Variants in THAP4 observed in about 807,000 individuals in gnomAD.
THAP4 encodes peroxynitrite isomerase THAP4.
THAP4 carries 18 observed loss-of-function variants against 48.1 expected under a neutral mutation model. The ratio of observed to expected loss-of-function variants is 0.37; its 90% CI spans 0.26 to 0.56. The LOEUF (loss-of-function observed/expected upper bound fraction) is 0.56, where lower values mean the gene tolerates loss of function less well. Among genes scored for constraint, THAP4 ranks in the 20% least tolerant of loss-of-function variants. The pLI is 0.78. For synonymous variants in THAP4, 345 were observed against 324.9 expected, an observed-to-expected ratio of 1.06 and a Z score of -0.66; for missense variants, 656 against 774.9, an observed-to-expected ratio of 0.85 and a Z score of 1.82.
chr2:241,637,147 G>C lies in THAP4; in HGVS notation c.-130C>G. ...TGGGCCGGCCCGCGGCGTCCGCGCC[G>C]TACGGCAAGATGGAGGCGCAGGCGC... On this transcript the variant is annotated 5_prime_UTR_variant, in exon 1 of 6. Coordinates refer to ENST00000407315, the MANE Select transcript of THAP4 (RefSeq NM_015963.6). 1.0e-6 allele frequency: 1 copy of C among 991,306 alleles called. No homozygotes were observed. The highest frequency in any genetic ancestry group is 1.2e-6 in the Non-Finnish European group (1 of 835,242). The allele number at this position is 991,306 out of a possible 1,614,324, so 61.4% of individuals were successfully genotyped here.
At chr2:241,595,565 A>AG (rs2067037102) in intron 5 of THAP4, among the ~76,000 whole-genome samples, 1 of 151,736 alleles carries the variant, frequency 6.6e-6, no homozygotes. Context: ...TGAACCCAGG[A>AG]GGCAGAGGTT....
Position 241,633,990 on chromosome 2 carries a change from C to A in THAP4, c.167G>T (p.Cys56Phe). 6.2e-7 allele frequency: 1 copy of A among 1,614,130 alleles called. No individual in the cohort carries two copies. The highest frequency in any genetic ancestry group is 1.1e-5 in the South Asian group (1 of 91,082). ...GCTGTCTTTGGTGAAATGCTCACTACAGAGAAATGAATACTTAGTGGGAGT... is the reference window on the plus strand; with the variant it reads ...GCTGTCTTTGGTGAAATGCTCACTAAAGAGAAATGAATACTTAGTGGGAGT... Reference protein sequence around the residue: ...NWTPTKYSFLCSEHFTKDSFS... With the variant: ...NWTPTKYSFLFSEHFTKDSFS... Residue 56 changes from cysteine to phenylalanine, a missense_variant, in exon 2 of 6, where the codon TGT becomes TTT. Physicochemically the swap from Cys to Phe is radical, Grantham distance 205. Coordinates refer to ENST00000407315, the MANE Select transcript of THAP4 (RefSeq NM_015963.6). The surrounding 1 kb of genome is among the most constrained non-coding windows in gnomAD (Gnocchi z 7.5).
rs1462542271 is a variant in THAP4, at chr2:241,585,928, AAG to A, written c.1615-1205_1615-1204del. Among the ~76,000 whole-genome samples the A allele has an allele frequency of 5.2e-4, 75 of 142,860 alleles. 6 individuals carry two copies. Among genetic ancestry groups the A allele is most frequent in the African/African-American group, 1.2e-3 (46 of 38,466 alleles). The allele number at this position is 142,860 out of a possible 152,430, so 93.7% of individuals were successfully genotyped here. ...ACTCCTTCTCAAAAAAAAAAAAAAA[AAG>A]AAAAAAAAAAGAAAAAGAAAAAGAA... is the stretch of plus-strand genomic sequence containing the variant. On this transcript the variant is annotated intron_variant, in intron 5 of 5. Coordinates refer to ENST00000407315, the MANE Select transcript of THAP4 (RefSeq NM_015963.6).
chr2:241,605,309 G>A (rs1160204736), intron 3 of THAP4, among the ~76,000 whole-genome samples: 2 of 152,128 alleles, frequency 1.3e-5, no homozygotes, highest in African/African-American at 2.4e-5. Context: ...AAACTGCTAG[G>A]CATTATACAA....
intron 2 of THAP4, among the ~76,000 whole-genome samples, chr2:241,626,808 C>G (rs2067500077): frequency 6.6e-6 from 1 of 152,206 alleles, no homozygotes; most frequent in Non-Finnish European, 1.5e-5. Flanking sequence ...AAGTGATCTG[C>G]CTGCCTCGGC....
chr2:241,617,903 G>A (rs544765336), intron 2 of THAP4, among the ~76,000 whole-genome samples: 2 of 152,290 alleles, frequency 1.3e-5, no homozygotes, highest in East Asian at 3.9e-4. Context: ...CCTGTCTCCT[G>A]GCAAGCGGCC....
intron 5 of THAP4, among the ~76,000 whole-genome samples, chr2:241,591,470 G>A (rs1275180515): frequency 6.6e-6 from 1 of 152,210 alleles, no homozygotes; most frequent in Non-Finnish European, 1.5e-5. Flanking sequence ...CTCAATAGAG[G>A]TGATTTTTAA....
intron 5 of THAP4, 99 bp from the exon 6 acceptor site, chr2:241,584,824 G>A (rs1392192035): frequency 3.3e-5 from 49 of 1,492,130 alleles, no homozygotes; most frequent in Non-Finnish European, 4.3e-5. Flanking sequence ...ATCACGGGCT[G>A]TGAGCCAGGC....
chr2:241,637,465 C>G (rs1575045977), upstream of THAP4: 3 of 1,461,564 alleles, frequency 2.1e-6, no homozygotes, highest in African/African-American at 1.5e-5. Context: ...CACACAGTGT[C>G]CCGTCGGACA....
intron 2 of THAP4, among the ~76,000 whole-genome samples, chr2:241,623,521 G>C (rs1559232316): frequency 6.6e-6 from 1 of 151,820 alleles, no homozygotes; most frequent in African/African-American, 2.4e-5. Context: ...GGAGGTTGCG[G>C]TGAGCCAAAA....
chr2:241,602,967 C>T lies in THAP4; in HGVS notation c.1510+3G>A. On this transcript the variant is annotated splice_donor_region_variant and intron_variant, in intron 4 of 5. Transcript: ENST00000407315. The stretch of plus-strand genomic sequence containing the variant: ...CCCTCCCGCCCCGCAAGCTGGGCCT[C>T]ACCTGTGTTCTGGGCGCTGACAAAG... 1 of 1,612,532 alleles carries T rather than the reference C, an allele frequency of 6.2e-7. No individual in the cohort carries two copies. Among genetic ancestry groups the T allele is most frequent in the Non-Finnish European group, 8.5e-7 (1 of 1,178,676 alleles).
At chr2:241,593,571 C>G (rs2067014069) in intron 5 of THAP4, among the ~76,000 whole-genome samples, 1 of 145,118 alleles carries the variant, frequency 6.9e-6, no homozygotes, top group East Asian at 1.9e-4. Context: ...AACAGCCTGC[C>G]TTAACACCCC....
chr2:241,629,796 C>G (rs2067535278), intron 2 of THAP4, among the ~76,000 whole-genome samples: 1 of 151,494 alleles, frequency 6.6e-6, no homozygotes, highest in African/African-American at 2.4e-5. Flanking sequence ...CTTGGACATA[C>G]AAGCAGAAAC....
chr2:241,632,947 A>G lies in THAP4; in HGVS notation c.1210T>C (p.Tyr404His). Residue 404 changes from tyrosine (Y) to histidine (H), a missense_variant, in exon 2 of 6, where the codon TAT (tyrosine) becomes CAT (histidine). By Grantham distance (83) the Tyr-to-His change is moderately conservative. Around this residue, in one of 4 missense-constraint regions of THAP4, gnomAD observed 176 missense variants for 256.7 expected, o/e 0.69. Coordinates refer to ENST00000407315, the MANE Select transcript of THAP4 (RefSeq NM_015963.6). ...LDELRRVSVP[Y>H]PSSLLSPSRE... is the part of the protein sequence containing the mutation. ...CTGGGCGACAGCAGGCTACTTGGAT[A>G]GGGGACGCTCACTCTCCTCAGCTCA... is the stretch of plus-strand genomic sequence containing the variant. 2 of 1,608,856 alleles carry G rather than the reference A, an allele frequency of 1.2e-6. No individual in the cohort carries two copies. The highest frequency in any genetic ancestry group is 1.7e-6 in the Non-Finnish European group (2 of 1,177,394).
intron 2 of THAP4, among the ~76,000 whole-genome samples, chr2:241,630,568 C>T (rs537488639): frequency 3.3e-5 from 5 of 152,200 alleles, no homozygotes; most frequent in South Asian, 2.1e-4. Context: ...CACCTGAGGT[C>T]GGGAGTTCGA....
rs149770790 is a variant in THAP4 at position 241,612,243 on chromosome 2, G to A, written c.1241-5770C>T. Among the ~76,000 whole-genome samples, 4 of 152,210 alleles carry A rather than the reference G, an allele frequency of 2.6e-5. No homozygotes were observed. The East Asian group carries it at 7.7e-4, about 29-fold the overall frequency. On this transcript the variant is annotated intron_variant, in intron 2 of 5. Transcript: ENST00000407315. This position sits in a 1 kb window ranked among gnomAD's most constrained non-coding sequence, Gnocchi z 4.1. Reference sequence around the variant, plus strand: ...CCGGGAAACACAGCGGAACACAGAGGACAGAAATGAGTTAAAAAAAAAGAC... The same window carrying A: ...CCGGGAAACACAGCGGAACACAGAGAACAGAAATGAGTTAAAAAAAAAGAC...
rs2067347242 is a variant in THAP4 at position 241,616,339 on chromosome 2, G to T, written c.1241-9866C>A. Among the ~76,000 whole-genome samples, 1 of 152,214 alleles carries T rather than the reference G, an allele frequency of 6.6e-6. No individual in the cohort carries two copies. Among genetic ancestry groups the T allele is most frequent in the South Asian group, 2.1e-4 (1 of 4,836 alleles). On this transcript the variant is annotated intron_variant, in intron 2 of 5. Coordinates refer to ENST00000407315, the MANE Select transcript of THAP4 (RefSeq NM_015963.6). This position sits in a 1 kb window ranked among gnomAD's most constrained non-coding sequence, Gnocchi z 4.6. ...CCCGTGACATCAGTGAGAAGGGCGG[G>T]TGCAGGCGCACGAGAGCTGAGGGCG...
In THAP4 at chr2:241,633,181, T is replaced by A; in HGVS notation, c.976A>T (p.Met326Leu). The A allele has an allele frequency of 1.2e-6, 2 of 1,608,958 alleles. No individual in the cohort carries two copies. Among genetic ancestry groups the A allele is most frequent in the South Asian group, 1.1e-5 (1 of 90,738 alleles). ...VQSEHSDASP[M>L]SINEVILSAS... The stretch of plus-strand genomic sequence containing the variant: ...GACAGGATGACCTCGTTGATGGACA[T>A]GGGGCTGGCGTCGCTGTGCTCGCTC... Residue 326 changes from methionine (M) to leucine (L), a missense_variant, in exon 2 of 6, where the codon ATG becomes TTG. Coordinates refer to ENST00000407315, the MANE Select transcript of THAP4 (RefSeq NM_015963.6). The surrounding 1 kb of genome is among the most constrained non-coding windows in gnomAD (Gnocchi z 7.5).
chr2:241,599,912 G>A (rs1456374006), intron 5 of THAP4, among the ~76,000 whole-genome samples: 2 of 152,108 alleles, frequency 1.3e-5, no homozygotes, highest in African/African-American at 4.8e-5. Flanking sequence ...ACAAGCAGAC[G>A]AAGAAAGACA....
Sources: gnomAD v4.1 joint callset for allele counts (sites outside exome capture counted in the v4.1 genomes callset) on GRCh38, gnomAD v4.1.1 for gene constraint, gnomAD v4.1.1 regional missense constraint, Gnocchi (gnomAD v3.1) non-coding constraint, MANE v1.5 for transcripts, NCBI Gene and HGNC (gene_info 2026-07-23, HGNC 2026-07-21) for gene names.